Variants in MSH5 observed in about 807,000 individuals in gnomAD.
MSH5 encodes mutS homolog 5, also known as mutS protein homolog 5.
A neutral mutation model predicts 107.7 loss-of-function variants in MSH5; 78 were observed. The observed-to-expected ratio is 0.72, with a 90% CI of 0.60 to 0.87. MSH5 has a LOEUF of 0.87. Among genes scored for constraint, MSH5 ranks in the 40% least tolerant of loss-of-function variants. The pLI is 0.00. For synonymous variants in MSH5, 326 were observed against 399.5 expected, an observed-to-expected ratio of 0.82 and a Z score of 2.19; for missense variants, 889 against 1,046.6, an observed-to-expected ratio of 0.85 and a Z score of 2.08.
In MSH5 at chr6:31,757,237, C is replaced by T. The variant is rs28745905; in HGVS notation, c.1015-928C>T. Among the ~76,000 whole-genome samples, 1,381 of 152,082 alleles carry T rather than the reference C, an allele frequency of 9.1e-3. 77 individuals carry two copies. Among genetic ancestry groups the T allele is most frequent in the Admixed American group, 0.083 (1,266 of 15,276 alleles). ...TCGGCTCACTGCAAGCTCTGCCTCC[C>T]GGGTTCGCGCCATTCTCCTACCTCA... On this transcript the variant is annotated intron_variant, in intron 12 of 24. Coordinates refer to ENST00000375750, the MANE Select transcript of MSH5 (RefSeq NM_172166.4).
intron 10 of MSH5, among the ~76,000 whole-genome samples, chr6:31,753,034 G>A (rs369695603): frequency 4.6e-5 from 7 of 152,120 alleles, no homozygotes; most frequent in African/African-American, 7.2e-5. Flanking sequence ...GACAAGCTCC[G>A]TTACTTATAT....
chr6:31,745,065 C>T lies in MSH5; in HGVS notation c.684-172C>T, dbSNP rs532894660. On this transcript the variant is annotated intron_variant, in intron 8 of 24. Coordinates refer to ENST00000375750, the MANE Select transcript of MSH5 (RefSeq NM_172166.4). ...GTTGCAGTGAGCTGAAATTGCACCA[C>T]TGCACTCCAGCCTGGGCGACAGAGC... Among the ~76,000 whole-genome samples, 3 of 146,226 alleles carry T rather than the reference C, an allele frequency of 2.1e-5. No homozygotes were observed. The South Asian group carries it at 6.5e-4, about 32-fold the overall frequency.
In MSH5 at chr6:31,753,636, C is replaced by T; in HGVS notation, c.1014+7C>T. 1 of 1,613,980 alleles carries T rather than the reference C, an allele frequency of 6.2e-7. No homozygotes were observed. The highest frequency in any genetic ancestry group is 8.5e-7 in the Non-Finnish European group (1 of 1,179,882). On this transcript the variant is annotated splice_region_variant and intron_variant, in intron 12 of 24. Transcript: ENST00000375750. ...CTGGCAGGTTCTCTACAAGGTAAGG[C>T]CTTCCTTCTTGAATCCCAAAAGTCC...
At chr6:31,750,661 T>C (rs1330085425) in intron 10 of MSH5, among the ~76,000 whole-genome samples, 1 of 152,198 alleles carries the variant, frequency 6.6e-6, no homozygotes, top group East Asian at 1.9e-4. Context: ...CAGACTGGCC[T>C]ACACTGTTCT....
At position 31,759,710 on chromosome 6, in the gene MSH5, TCCC is replaced by T; in HGVS notation, c.1496-73_1496-71del. On this transcript the variant is annotated intron_variant, in intron 17 of 24. Transcript: ENST00000375750. The surrounding 1 kb of genome is among the most constrained non-coding windows in gnomAD (Gnocchi z 4.7). ...ATTGTATCTGCAACCTGTTTCCAGATCCCCCTAGGGGCCTCTGCCTCTCCTTCA... is the reference window on the plus strand; with the variant it reads ...ATTGTATCTGCAACCTGTTTCCAGATCCTAGGGGCCTCTGCCTCTCCTTCA... 1.3e-6 allele frequency: 2 copies of T among 1,507,946 alleles called. No individual in the cohort carries two copies. Among genetic ancestry groups the T allele is most frequent in the South Asian group, 1.2e-5 (1 of 84,466 alleles). The allele number at this position is 1,507,946 out of a possible 1,614,324, so 93.4% of individuals were successfully genotyped here. A position where few individuals can be genotyped will look rare whatever the true frequency, so the allele number is the denominator to read the frequency against.
chr6:31,752,147 A>G (rs1263551307), intron 10 of MSH5, among the ~76,000 whole-genome samples: 1 of 151,322 alleles, frequency 6.6e-6, no homozygotes, highest in Non-Finnish European at 1.5e-5. Context: ...CAGCCAATTT[A>G]AGAATAAGAC....
chr6:31,749,531 G>C (rs1451562488), intron 10 of MSH5, among the ~76,000 whole-genome samples: 1 of 151,168 alleles, frequency 6.6e-6, no homozygotes, highest in African/African-American at 2.4e-5. Flanking sequence ...AACAGAGTGA[G>C]ATTCTGTCTT....
At chr6:31,754,411 A>G (rs1004863582) in intron 12 of MSH5, among the ~76,000 whole-genome samples, 54 of 152,036 alleles carry the variant, frequency 3.6e-4, no homozygotes, top group African/African-American at 1.2e-3. Flanking sequence ...CGGCCTCCCA[A>G]AGTGCTAGGA....
In MSH5 at chr6:31,761,987, C is replaced by T. The variant is rs760381080; in HGVS notation, c.2319+32C>T. 1.9e-6 allele frequency: 3 copies of T among 1,613,498 alleles called. No individual in the cohort carries two copies. In the South Asian group the frequency reaches 3.3e-5, roughly 18 times the overall value. On this transcript the variant is annotated intron_variant, in intron 23 of 24. Coordinates refer to ENST00000375750, the MANE Select transcript of MSH5 (RefSeq NM_172166.4). This position sits in a 1 kb window ranked among gnomAD's most constrained non-coding sequence, Gnocchi z 5.3. ...AGATCCAAATGTGCAACCACCTCCACATCAGAGCTCCCTTTCATTCCTAGT... is the reference window on the plus strand; with the variant it reads ...AGATCCAAATGTGCAACCACCTCCATATCAGAGCTCCCTTTCATTCCTAGT...
At position 31,748,344 on chromosome 6, in the gene MSH5, C is replaced by CTTTTT. The variant is rs36029092; in HGVS notation, c.812+929_812+933dup. On this transcript the variant is annotated intron_variant, in intron 10 of 24. Coordinates refer to ENST00000375750, the MANE Select transcript of MSH5 (RefSeq NM_172166.4). ...AAACAGAGATCTAAGCATGTCACTC[C>CTTTTT]TTTTTTTTTTTTTTTTTTTTTGTGA... Among the ~76,000 whole-genome samples the CTTTTT allele has an allele frequency of 1.2e-4, 15 of 126,566 alleles. No homozygotes were observed. The South Asian group carries it at 2.5e-3, about 21-fold the overall frequency. The allele number at this position is 126,566 out of a possible 152,430, so 83.0% of individuals were successfully genotyped here.
At chr6:31,741,375 ACACACACATAT>A (rs1246795254) in intron 3 of MSH5, 89 bp downstream of exon 3, 2 of 917,194 alleles carry the variant, frequency 2.2e-6, no homozygotes, top group Non-Finnish European at 3.1e-6. Context: ...ACACACACAC[ACACACACATAT>A]TTTTTTTTTC....
In MSH5 at chr6:31,758,709, A is replaced by G; in HGVS notation, c.1217-57A>G. 1.9e-6 allele frequency: 3 copies of G among 1,609,938 alleles called. No individual in the cohort carries two copies. The highest frequency in any genetic ancestry group is 2.6e-6 in the Non-Finnish European group (3 of 1,176,294). On this transcript the variant is annotated intron_variant, in intron 14 of 24. Transcript: ENST00000375750. This position sits in a 1 kb window ranked among gnomAD's most constrained non-coding sequence, Gnocchi z 5.1. ...GTGGTCACCACAGCTGGGGATCTTC[A>G]TAGCAACCAGGGCAGGAGACTCACT...
At position 31,740,747 on chromosome 6, in the gene MSH5, G is replaced by A; in HGVS notation, c.147+134G>A. On this transcript the variant is annotated intron_variant, in intron 2 of 24. Transcript: ENST00000375750. The surrounding 1 kb of genome is among the most constrained non-coding windows in gnomAD (Gnocchi z 4.4). ...AGACTGAGGCGGGCGGATCACCTGA[G>A]CTCAGGAGTTGGAGACCAGCCTGGG... The A allele has an allele frequency of 9.6e-7, 1 of 1,045,766 alleles. No homozygotes were observed. The highest frequency in any genetic ancestry group is 1.3e-6 in the Non-Finnish European group (1 of 771,026). 64.8% of individuals were successfully genotyped at this position (1,045,766 alleles called of 1,614,324 possible).
intron 10 of MSH5, among the ~76,000 whole-genome samples, chr6:31,748,683 CAT>C (rs1562228820): frequency 6.6e-6 from 1 of 151,982 alleles, no homozygotes; most frequent in African/African-American, 2.4e-5. Context: ...AAGAAAATAA[CAT>C]AAACCTTAGG....
chr6:31,753,567 C>G lies in MSH5; in HGVS notation c.952C>G (p.Leu318Val). 1 of 1,614,080 alleles carries G rather than the reference C, an allele frequency of 6.2e-7. No homozygotes were observed. The change falls in exon 12 of 25, where the codon CTG becomes GTG. Residue 318 changes from leucine (L) to valine (V), a missense_variant and splice_region_variant. This residue lies in a region of MSH5 where 518 missense variants were observed against 565.0 expected (regional missense o/e 0.92). Transcript: ENST00000375750. Reference sequence around the variant, plus strand: ...CGGCTGTAACCTTGTCTGACTGTAGCTGATTCTGAAACGCATGAAGTTGTC... The same window carrying G: ...CGGCTGTAACCTTGTCTGACTGTAGGTGATTCTGAAACGCATGAAGTTGTC... ...RLLGHIKNVP[L>V]ILKRMKLSHT... is the part of the protein sequence containing the mutation.
At chr6:31,752,356 A>G (rs1441221236) in intron 10 of MSH5, among the ~76,000 whole-genome samples, 1 of 151,816 alleles carries the variant, frequency 6.6e-6, no homozygotes, top group Non-Finnish European at 1.5e-5. Flanking sequence ...CAGTAAGCCA[A>G]GATTGTGCTA....
At chr6:31,753,515 G>A in intron 11 of MSH5, 52 bp from the exon 12 acceptor site, 1 of 1,613,752 alleles carries the variant, frequency 6.2e-7, no homozygotes, top group Non-Finnish European at 8.5e-7. Flanking sequence ...TTCTTGAGGG[G>A]CATTAGAGTG....
At chr6:31,752,074 G>A (rs1810005403) in intron 10 of MSH5, among the ~76,000 whole-genome samples, 1 of 152,094 alleles carries the variant, frequency 6.6e-6, no homozygotes, top group Admixed American at 6.6e-5. Flanking sequence ...ACCCTAGCCT[G>A]GGCGACAGAG....
Position 31,740,574 on chromosome 6 carries a change from C to T in MSH5, c.108C>T (p.Ala36=). The change falls in exon 2 of 25, where the codon GCC becomes GCT. Residue 36 remains alanine, a synonymous_variant. Coordinates refer to ENST00000375750, the MANE Select transcript of MSH5 (RefSeq NM_172166.4). The surrounding 1 kb of genome is among the most constrained non-coding windows in gnomAD (Gnocchi z 4.4). ...SPAPVPGPRE[A]EEEEVEEEEE... is the part of the protein sequence containing the mutation. ...CCCCAGTGCCGGGCCCCAGGGAGGCCGAGGAGGAGGAAGTCGAGGAGGAGG... is the reference window on the plus strand; with the variant it reads ...CCCCAGTGCCGGGCCCCAGGGAGGCTGAGGAGGAGGAAGTCGAGGAGGAGG... 6.6e-7 allele frequency: 1 copy of T among 1,512,994 alleles called. No individual in the cohort carries two copies. Among genetic ancestry groups the T allele is most frequent in the Non-Finnish European group, 8.8e-7 (1 of 1,133,602 alleles). The allele number at this position is 1,512,994 out of a possible 1,614,324, so 93.7% of individuals were successfully genotyped here.
Sources: allele counts gnomAD v4.1 joint callset (sites outside exome capture counted in the v4.1 genomes callset), GRCh38; gene constraint gnomAD v4.1.1; regional missense constraint gnomAD v4.1.1; non-coding constraint Gnocchi (gnomAD v3.1); transcripts MANE v1.5; gene names NCBI Gene and HGNC (gene_info 2026-07-23, HGNC 2026-07-21).